STAR: variants seen among roughly 807,000 people sequenced by gnomAD.
STAR encodes the protein steroidogenic acute regulatory protein, mitochondrial.
STAR carries 32 observed loss-of-function variants against 32.3 expected under a neutral mutation model. The observed-to-expected ratio is 0.99, with a 90% CI of 0.75 to 1.33. The LOEUF is 1.33. Among genes scored for constraint, STAR ranks in the 40% most tolerant of loss-of-function variants. The pLI, the probability that STAR is intolerant of heterozygous loss-of-function variation, is 0.00. For synonymous variants in STAR, 134 were observed against 140.5 expected (o/e 0.95, Z 0.33); for missense variants, 375 against 379.0 (o/e 0.99, Z 0.09).
chr8:38,144,583 C>T, intron 6 of STAR, 197 bp from the exon 7 acceptor site: 1 of 1,422,364 alleles, frequency 7.0e-7, no homozygotes, highest in South Asian at 1.4e-5. Flanking sequence ...ACAAGACTGG[C>T]CAACAAGATG....
chr8:38,142,716 T>C lies in STAR; in HGVS notation c.*1557A>G, dbSNP rs774615544. Among the ~76,000 whole-genome samples the C allele has an allele frequency of 7.2e-4, 109 of 151,922 alleles. No homozygotes were observed. The highest frequency in any genetic ancestry group is 1.4e-3 in the Non-Finnish European group (96 of 67,928). On this transcript the variant is annotated 3_prime_UTR_variant, in exon 7 of 7. Coordinates refer to ENST00000276449, the MANE Select transcript of STAR (RefSeq NM_000349.3). Reference sequence around the variant, plus strand: ...GCTCATTTTGTATTTTTAGTAGAGATGGGGTTTCTCCATGTTAGTCAGGCT... The same window carrying C: ...GCTCATTTTGTATTTTTAGTAGAGACGGGGTTTCTCCATGTTAGTCAGGCT...
intron 1 of STAR, 121 bp downstream of exon 1, chr8:38,150,634 G>T: frequency 6.8e-7 from 1 of 1,478,302 alleles, no homozygotes. Flanking sequence ...GATTCAAGAA[G>T]GGAAGAAACT....
rs747062859 is a variant in STAR, at chr8:38,145,988, T to C, written c.625A>G (p.Met209Val). ...CTGATGACACCCTTCTGCTCAGGCA[T>C]GTTCCCGAAGTCTGTGGCCATGCCA... ...LAGMATDFGN[M>V]PEQKGVIRAE... Residue 209 changes from methionine (M) to valine (V), a missense_variant, in exon 5 of 7, where the codon ATG (methionine) becomes GTG (valine). Coordinates refer to ENST00000276449, the MANE Select transcript of STAR (RefSeq NM_000349.3). The C allele has an allele frequency of 1.9e-6, 3 of 1,614,194 alleles. No homozygotes were observed. Among genetic ancestry groups the C allele is most frequent in the Non-Finnish European group, 2.5e-6 (3 of 1,180,036 alleles).
At chr8:38,145,740 T>C in intron 5 of STAR, 1 of 629,446 alleles carries the variant, frequency 1.6e-6, no homozygotes, top group Non-Finnish European at 2.7e-6. Context: ...ATTAAGGTTC[T>C]TAAACTTTCT....
At chr8:38,148,170 A>G in intron 3 of STAR, 30 bp downstream of exon 3, 1 of 1,613,450 alleles carries the variant, frequency 6.2e-7, no homozygotes, top group South Asian at 1.1e-5. Context: ...TGGAGCATGG[A>G]GGAACCACAG....
At chr8:38,145,672 A>T in intron 5 of STAR, 1 of 565,790 alleles carries the variant, frequency 1.8e-6, no homozygotes, top group Admixed American at 3.0e-5. Flanking sequence ...AGTCTACATT[A>T]CAGCTGTTCC....
Position 38,142,888 on chromosome 8 carries a change from GA to G in STAR, c.*1384del, listed in dbSNP as rs886062898. 5.3e-5 allele frequency among the ~76,000 whole-genome samples: 8 copies of G among 152,118 alleles called. No homozygotes were observed. The highest frequency in any genetic ancestry group is 1.2e-4 in the Non-Finnish European group (8 of 68,038). On this transcript the variant is annotated 3_prime_UTR_variant, in exon 7 of 7. Transcript: ENST00000276449. ...CCCCTTCTTCCAGCCACTTCTCCCA[GA>G]ATACTAAACTTTTAGCCTGTTTAAG...
chr8:38,146,548 T>C, intron 3 of STAR, 101 bp from the exon 4 acceptor site: 1 of 1,342,988 alleles, frequency 7.4e-7, no homozygotes, highest in Non-Finnish European at 1.0e-6. Flanking sequence ...GAGGCCAAGG[T>C]GGGTGGATCA....
chr8:38,150,756 C>G lies in STAR; in HGVS notation c.63G>C (p.Lys21Asn), dbSNP rs138636111. ...TCGCCTCCTTCCCGCAGCGCTCACC[C>G]TTCATGTTGCGCATGTGTCTGTAGG... ...GSSYRHMRNM[K>N]GLRQQAVMAI... The change falls in exon 1 of 7, where the codon AAG becomes AAC. Residue 21 changes from lysine to asparagine, a missense_variant and splice_region_variant. Coordinates refer to ENST00000276449, the MANE Select transcript of STAR (RefSeq NM_000349.3). 1.0e-5 allele frequency: 16 copies of G among 1,606,980 alleles called. No individual in the cohort carries two copies. The highest frequency in any genetic ancestry group is 1.3e-5 in the African/African-American group (1 of 74,908).
Position 38,148,203 on chromosome 8 carries a change from C to CTGA in STAR, c.300_302dup (p.Ser100_Gln101insHis). The CTGA allele has an allele frequency of 6.2e-7, 1 of 1,614,026 alleles. No individual in the cohort carries two copies. ...CAGGCTTCTCCCCGACACTTACCTG[C>CTGA]TGACTCTCCTTCTTCCAGCCCTCTT... On this transcript the variant is annotated inframe_insertion, in exon 3 of 7. Transcript: ENST00000276449.
chr8:38,144,804 T>A, intron 6 of STAR: 7 of 574,614 alleles, frequency 1.2e-5, no homozygotes, highest in South Asian at 2.2e-5. Flanking sequence ...AGGTCAGGAG[T>A]TTGAGACCAG....
intron 1 of STAR, 62 bp downstream of exon 1, chr8:38,150,693 G>A: frequency 6.2e-7 from 1 of 1,601,388 alleles, no homozygotes. Context: ...GAATTGGGTG[G>A]CCTGAGCCTC....
chr8:38,146,186 G>C (rs1487866318), intron 4 of STAR, 39 bp from the exon 5 acceptor site: 6 of 1,613,536 alleles, frequency 3.7e-6, no homozygotes, highest in East Asian at 4.5e-5. Context: ...GACTCAGCCT[G>C]TGTTGGGCTA....
At position 38,147,457 on chromosome 8, in the gene STAR, A is replaced by G. The variant is rs7819423; in HGVS notation, c.306+743T>C. 9.5e-3 allele frequency among the ~76,000 whole-genome samples: 1,449 copies of G among 152,310 alleles called. 38 individuals carry two copies. Among genetic ancestry groups the G allele is most frequent in the African/African-American group, 0.032 (1,332 of 41,564 alleles). ...GGATCTTCAAGATTTGTTTTAGTTC[A>G]ATACCTCATTCCACACCAGAAGAAT... On this transcript the variant is annotated intron_variant, in intron 3 of 6. Transcript: ENST00000276449.
In STAR at chr8:38,146,017, A is replaced by C; in HGVS notation, c.596T>G (p.Leu199Arg). ...CCCGAAGTCTGTGGCCATGCCAGCC[A>C]GCACACAGGTGGAGCCTCGGCGCTT... ...CAKRRGSTCVLAGMATDFGNM... is the reference protein window; with the variant it reads ...CAKRRGSTCVRAGMATDFGNM... Residue 199 changes from leucine (L) to arginine (R), a missense_variant, in exon 5 of 7, where the codon CTG (leucine) becomes CGG (arginine). Physicochemically the swap from Leu to Arg is moderately radical, Grantham distance 102. Transcript: ENST00000276449. The C allele has an allele frequency of 6.2e-7, 1 of 1,614,252 alleles. No individual in the cohort carries two copies. The highest frequency in any genetic ancestry group is 8.5e-7 in the Non-Finnish European group (1 of 1,180,056).
Position 38,145,293 on chromosome 8 carries a change from T to C in STAR, c.673A>G (p.Met225Val), listed in dbSNP as rs1214288067. The C allele has an allele frequency of 3.7e-6, 6 of 1,614,188 alleles. No individual in the cohort carries two copies. The highest frequency in any genetic ancestry group is 2.2e-5 in the East Asian group (1 of 44,874). ...CTTCCAGCCAACGGGTGAAGCACCA[T>C]GCAAGTGGGACCGTGCTCCGCCCTG... ...VIRAEHGPTC[M>V]VLHPLAGSPS... Residue 225 changes from methionine (M) to valine (V), a missense_variant, in exon 6 of 7, where the codon ATG (methionine) becomes GTG (valine). By Grantham distance (21) the Met-to-Val change is conservative (BLOSUM62 1). Transcript: ENST00000276449.
At chr8:38,148,811 CT>C (rs1802622390) in intron 1 of STAR, 57 bp from the exon 2 acceptor site, 2 of 1,276,130 alleles carry the variant, frequency 1.6e-6, no homozygotes, top group South Asian at 1.2e-5. Context: ...AGATGGACCA[CT>C]CCCACCCCCT....
At chr8:38,148,606 A>G (rs201272376) in intron 2 of STAR, 35 bp downstream of exon 2, 1,429 of 1,584,292 alleles carry the variant, frequency 9.0e-4, no homozygotes, top group Admixed American at 1.5e-3. Context: ...ACCTCCTGCC[A>G]GCAGCACCAG....
At chr8:38,147,711 C>G (rs1304693103) in intron 3 of STAR, among the ~76,000 whole-genome samples, 1 of 152,248 alleles carries the variant, frequency 6.6e-6, no homozygotes, top group Admixed American at 6.5e-5. Flanking sequence ...TACCGTGAAC[C>G]TGGTTACTGT....
Sources: gnomAD v4.1 joint callset for allele counts (sites outside exome capture counted in the v4.1 genomes callset) on GRCh38, gnomAD v4.1.1 for gene constraint, MANE v1.5 for transcripts, NCBI Gene and HGNC (gene_info 2026-07-23, HGNC 2026-07-21) for gene names.